THSD7A: variants seen among roughly 807,000 people sequenced by gnomAD.
THSD7A encodes the protein thrombospondin type 1 domain containing 7A.
A neutral mutation model predicts 231.3 loss-of-function variants in THSD7A; 96 were observed. The ratio of observed to expected loss-of-function variants is 0.41; its 90% CI spans 0.35 to 0.49. The LOEUF is 0.49. Ranked by LOEUF, THSD7A falls within the 20% of genes least tolerant of loss-of-function variation. THSD7A has a pLI of 0.05. For missense variants in THSD7A, 2,290 were observed against 2,070.2 expected (o/e 1.11, Z -2.06); for synonymous variants, 940 against 743.3 (o/e 1.26, Z -4.30).
At chr7:11,475,906 T>C (rs1786150408) in intron 7 of THSD7A, among the ~76,000 whole-genome samples, 1 of 149,600 alleles carries the variant, frequency 6.7e-6, no homozygotes, top group Non-Finnish European at 1.5e-5. Flanking sequence ...TATCAGGTCA[T>C]ATTGAACTTA....
At chr7:11,504,671 G>A (rs1319163571) in intron 6 of THSD7A, among the ~76,000 whole-genome samples, 1 of 152,038 alleles carries the variant, frequency 6.6e-6, no homozygotes, top group Non-Finnish European at 1.5e-5. Flanking sequence ...ATATGTTTGA[G>A]AGTTAAACAT....
intron 1 of THSD7A, among the ~76,000 whole-genome samples, chr7:11,777,478 T>C (rs994474271): frequency 4.0e-5 from 6 of 150,982 alleles, no homozygotes; most frequent in Non-Finnish European, 7.4e-5. Context: ...CTGGCAGCCC[T>C]GAATCAATTA....
intron 1 of THSD7A, among the ~76,000 whole-genome samples, chr7:11,799,410 T>C (rs1215689726): frequency 6.6e-6 from 1 of 152,210 alleles, no homozygotes; most frequent in African/African-American, 2.4e-5. Context: ...TTTATAATGA[T>C]TTTTAGACTA....
Position 11,673,925 on chromosome 7 carries a change from C to T in THSD7A, c.191-36964G>A, listed in dbSNP as rs192881817. Among the ~76,000 whole-genome samples the T allele has an allele frequency of 4.6e-5, 7 of 152,150 alleles. 1 individual carries two copies. The highest frequency in any genetic ancestry group is 3.4e-3 in the Middle Eastern group (1 of 292). On this transcript the variant is annotated intron_variant, in intron 1 of 27. Coordinates refer to ENST00000423059, the MANE Select transcript of THSD7A (RefSeq NM_015204.3). The stretch of plus-strand genomic sequence containing the variant: ...TGGATACCTGCTAGGCTGAAAAGCC[C>T]AGGCTGGAGAAGTCATACTGGTTGC...
At chr7:11,786,997 T>C (rs1783814335) in intron 1 of THSD7A, among the ~76,000 whole-genome samples, 1 of 152,082 alleles carries the variant, frequency 6.6e-6, no homozygotes, top group African/African-American at 2.4e-5. Context: ...AATTTTAAAT[T>C]AGTTACCAAC....
intron 1 of THSD7A, among the ~76,000 whole-genome samples, chr7:11,799,917 T>C (rs12699274): frequency 0.58 from 87,844 of 152,076 alleles, 26,262 homozygotes; most frequent in Middle Eastern, 0.76. Flanking sequence ...ACACTATTAA[T>C]TAGCAACCAA....
chr7:11,454,495 G>C (rs1283262965), intron 11 of THSD7A, among the ~76,000 whole-genome samples: 1 of 151,192 alleles, frequency 6.6e-6, no homozygotes, highest in African/African-American at 2.4e-5. Flanking sequence ...TTTACTTCTT[G>C]CCTTTTTGCT....
At chr7:11,491,707 A>G (rs1786900701) in intron 6 of THSD7A, among the ~76,000 whole-genome samples, 2 of 152,134 alleles carry the variant, frequency 1.3e-5, no homozygotes, top group Non-Finnish European at 2.9e-5. Context: ...AATTAATTTA[A>G]GAGCTTACAT....
intron 23 of THSD7A, among the ~76,000 whole-genome samples, chr7:11,400,826 A>G (rs1783375752): frequency 2.6e-5 from 4 of 152,112 alleles, no homozygotes. Context: ...ACTTGCTACT[A>G]TGTCATATTA....
chr7:11,806,140 C>A lies in THSD7A; in HGVS notation c.190+25617G>T, dbSNP rs143219577. On this transcript the variant is annotated intron_variant, in intron 1 of 27. Transcript: ENST00000423059. Reference sequence around the variant, plus strand: ...TGTAAACAAATTAGAATCTACTTAACACCCTATGATCAGCTGAATAATTCA... The same window carrying A: ...TGTAAACAAATTAGAATCTACTTAAAACCCTATGATCAGCTGAATAATTCA... Among the ~76,000 whole-genome samples the A allele has an allele frequency of 4.3e-4, 66 of 152,244 alleles. 1 individual carries two copies. The highest frequency in any genetic ancestry group is 3.5e-3 in the Admixed American group (54 of 15,284).
rs144126055 is a variant in THSD7A at position 11,679,150 on chromosome 7, G to A, written c.191-42189C>T. Among the ~76,000 whole-genome samples, 869 of 152,044 alleles carry A rather than the reference G, an allele frequency of 5.7e-3. 7 individuals are homozygous for A. Among genetic ancestry groups the A allele is most frequent in the African/African-American group, 0.019 (801 of 41,498 alleles). ...AAGGCCTTTGATAAAATTCAACACC[G>A]CTTCATGCTAAAAACACTCAATAAA... On this transcript the variant is annotated intron_variant, in intron 1 of 27. Transcript: ENST00000423059.
At chr7:11,781,075 G>A (rs1185590569) in intron 1 of THSD7A, among the ~76,000 whole-genome samples, 1 of 133,790 alleles carries the variant, frequency 7.5e-6, no homozygotes, top group Admixed American at 8.3e-5. Context: ...AAATATCACA[G>A]AGGATCAAAA....
At chr7:11,774,513 CA>C (rs1783337641) in intron 1 of THSD7A, among the ~76,000 whole-genome samples, 1 of 151,808 alleles carries the variant, frequency 6.6e-6, no homozygotes, top group Non-Finnish European at 1.5e-5. Flanking sequence ...CACACACACA[CA>C]CACACACACA....
chr7:11,795,605 T>C (rs1385495291), intron 1 of THSD7A, among the ~76,000 whole-genome samples: 7 of 152,060 alleles, frequency 4.6e-5, no homozygotes, highest in Admixed American at 3.9e-4. Flanking sequence ...TAAAGATATT[T>C]ACTTATAATT....
At chr7:11,419,884 T>C (rs1178739735) in intron 16 of THSD7A, among the ~76,000 whole-genome samples, 1 of 152,176 alleles carries the variant, frequency 6.6e-6, no homozygotes, top group Non-Finnish European at 1.5e-5. Context: ...TGGGTGGCAT[T>C]GTGCCCCTGC....
At chr7:11,378,988 T>C in intron 26 of THSD7A, 82 bp downstream of exon 26, 1 of 1,314,400 alleles carries the variant, frequency 7.6e-7, no homozygotes, top group Middle Eastern at 2.7e-4. Flanking sequence ...CATATAAAAA[T>C]GCTTTGCTCA....
chr7:11,451,179 G>A (rs565011441), intron 11 of THSD7A, among the ~76,000 whole-genome samples: 1 of 152,064 alleles, frequency 6.6e-6, no homozygotes, highest in Non-Finnish European at 1.5e-5. Context: ...GAAAAAGGGA[G>A]CTATAACTGT....
chr7:11,720,854 A>G (rs1455517349), intron 1 of THSD7A, among the ~76,000 whole-genome samples: 1 of 151,532 alleles, frequency 6.6e-6, no homozygotes, highest in Admixed American at 6.6e-5. Context: ...TTTGACTTTT[A>G]CCACTCGGAC....
intron 1 of THSD7A, among the ~76,000 whole-genome samples, chr7:11,704,533 T>C (rs1249855863): frequency 1.3e-5 from 2 of 150,738 alleles, no homozygotes; most frequent in Non-Finnish European, 3.0e-5. Flanking sequence ...CAGAGACTCT[T>C]TGGAGTCTGT....
Sources: gnomAD v4.1 joint callset for allele counts (sites outside exome capture counted in the v4.1 genomes callset) on GRCh38, gnomAD v4.1.1 for gene constraint, MANE v1.5 for transcripts, NCBI Gene and HGNC (gene_info 2026-07-23, HGNC 2026-07-21) for gene names.